DHX30: variants seen among roughly 807,000 people sequenced by gnomAD.
The protein encoded by DHX30 is DExH-box helicase 30, also known as ATP-dependent RNA helicase DHX30.
Under a neutral mutation model 116.9 loss-of-function variants are expected in DHX30, and 4 were observed. The ratio of observed to expected loss-of-function variants is 0.03; its 90% CI spans 0.02 to 0.08. The LOEUF (loss-of-function observed/expected upper bound fraction) is 0.08, where lower values mean the gene tolerates loss of function less well. Among genes scored for constraint, DHX30 ranks in the 10% least tolerant of loss-of-function variants. DHX30 has a pLI of 1.00. For synonymous variants in DHX30, 697 were observed against 651.7 expected, an observed-to-expected ratio of 1.07 and a Z score of -1.06; for missense variants, 871 against 1,595.1, an observed-to-expected ratio of 0.55 and a Z score of 7.73.
intron 8 of DHX30, 130 bp from the exon 9 acceptor site, chr3:47,842,976 A>C: frequency 8.5e-7 from 1 of 1,177,658 alleles, no homozygotes; most frequent in East Asian, 2.4e-5. Flanking sequence ...CACCTCTAGC[A>C]TGGCTCACGC....
rs760752602 is a variant in DHX30, at chr3:47,846,482, G to C, written c.1410G>C (p.Leu470=). The change falls in exon 11 of 22, where the codon CTG becomes CTC. Residue 470 remains leucine (L), a synonymous_variant. Coordinates refer to ENST00000445061, the MANE Select transcript of DHX30 (RefSeq NM_138615.3). The part of the protein sequence containing the change: ...GCGKTTRIPQ[L]LLERYVTEGR... ...GGAAGACCACGCGCATCCCCCAGCT[G>C]TTGCTGGAGCGCTATGTGACCGAGG... 6.2e-7 allele frequency: 1 copy of C among 1,614,008 alleles called. No homozygotes were observed. Among genetic ancestry groups the C allele is most frequent in the African/African-American group, 1.3e-5 (1 of 74,958 alleles).
chr3:47,835,840 G>T (rs1260191981), intron 6 of DHX30, among the ~76,000 whole-genome samples: 2 of 152,134 alleles, frequency 1.3e-5, no homozygotes, highest in Non-Finnish European at 2.9e-5. Context: ...TTGTCTGCCT[G>T]CACTTTCTAG....
At chr3:47,819,116 T>C in intron 4 of DHX30, 1 of 852,042 alleles carries the variant, frequency 1.2e-6, no homozygotes, top group Non-Finnish European at 1.8e-6. Flanking sequence ...AAATGAGTAC[T>C]TCTAGCCCCC....
At chr3:47,840,801 T>G in intron 6 of DHX30, 76 bp from the exon 7 acceptor site, 1 of 1,579,192 alleles carries the variant, frequency 6.3e-7, no homozygotes, top group Admixed American at 1.7e-5. Flanking sequence ...AACTTAACGG[T>G]GTAGCTGGAC....
intron 4 of DHX30, chr3:47,825,101 T>G (rs1201936403): frequency 3.0e-6 from 2 of 672,056 alleles, no homozygotes; most frequent in Non-Finnish European, 5.4e-6. Context: ...CTGCAGCCGC[T>G]GGGTCCCCGC....
At chr3:47,816,017 G>A in intron 3 of DHX30, 1 of 984,466 alleles carries the variant, frequency 1.0e-6, no homozygotes. Context: ...AGGTTGAGCT[G>A]GTCATTTCCA....
At position 47,846,582 on chromosome 3, in the gene DHX30, A is replaced by G. The variant is rs771836770; in HGVS notation, c.1510A>G (p.Ser504Gly). 4 of 1,614,022 alleles carry G rather than the reference A, an allele frequency of 2.5e-6. No homozygotes were observed. Among genetic ancestry groups the G allele is most frequent in the Admixed American group, 3.3e-5 (2 of 60,014 alleles). ...TGCTGTGTCTGTGGCACAGCGGGTC[A>G]GCCACGAACTGGGCCCCTCCCTGCG... ...ISAVSVAQRVSHELGPSLRRN... is the reference protein window; with the variant it reads ...ISAVSVAQRVGHELGPSLRRN... Residue 504 changes from serine to glycine, a missense_variant, in exon 11 of 22, where the codon AGC becomes GGC. Physicochemically the swap from Ser to Gly is moderately conservative, Grantham distance 56. Transcript: ENST00000445061.
intron 8 of DHX30, 38 bp from the exon 9 acceptor site, chr3:47,843,068 C>G: frequency 6.2e-7 from 1 of 1,610,498 alleles, no homozygotes; most frequent in Non-Finnish European, 8.5e-7. Context: ...TTCCCATTCC[C>G]TACATTTCTG....
At chr3:47,823,331 C>A (rs150630605) in intron 4 of DHX30, among the ~76,000 whole-genome samples, 2 of 150,444 alleles carry the variant, frequency 1.3e-5, no homozygotes, top group Admixed American at 1.3e-4. Context: ...TGGGAACAAA[C>A]TAGTTGGTTG....
rs1481182770 is a variant in DHX30 at position 47,815,751 on chromosome 3, A to G, written c.29-2271A>G. The stretch of plus-strand genomic sequence containing the variant: ...AAAAAAAAAAAAAAAAAAAAAAAAA[A>G]GAGCAAGCTGAGTCTTTCACAGCCA... On this transcript the variant is annotated intron_variant, in intron 3 of 21. Coordinates refer to ENST00000445061, the MANE Select transcript of DHX30 (RefSeq NM_138615.3). Among the ~76,000 whole-genome samples the G allele has an allele frequency of 3.4e-5, 4 of 116,498 alleles. No homozygotes were observed. The South Asian group carries it at 1.2e-3, about 34-fold the overall frequency. 76.4% of individuals were successfully genotyped at this position (116,498 alleles called of 152,430 possible).
In DHX30 at chr3:47,846,226, C is replaced by G. The variant is rs751079647; in HGVS notation, c.1154C>G (p.Pro385Arg). 1 of 1,614,166 alleles carries G rather than the reference C, an allele frequency of 6.2e-7. No homozygotes were observed. Among genetic ancestry groups the G allele is most frequent in the South Asian group, 1.1e-5 (1 of 91,092 alleles). Reference sequence around the variant, plus strand: ...CGGCTGCAGAGTGATGACATCTTGCCCTTGGGCAAGGACTCAGGGCCTCTG... The same window carrying G: ...CGGCTGCAGAGTGATGACATCTTGCGCTTGGGCAAGGACTCAGGGCCTCTG... ...ELRLQSDDIL[P>R]LGKDSGPLSD... Residue 385 changes from proline (P) to arginine (R), a missense_variant, in exon 11 of 22, where the codon CCC (proline) becomes CGC (arginine). By Grantham distance (103) the Pro-to-Arg change is moderately radical (BLOSUM62 -2). This residue lies in a region of DHX30 where 175 missense variants were observed against 292.9 expected (regional missense o/e 0.60). Transcript: ENST00000445061.
intron 2 of DHX30, among the ~76,000 whole-genome samples, chr3:47,806,042 A>G (rs953906181): frequency 1.3e-5 from 2 of 152,044 alleles, no homozygotes; most frequent in Non-Finnish European, 2.9e-5. Context: ...CCCAGGCTGG[A>G]GTGCAGTGGT....
intron 4 of DHX30, 150 bp from the exon 5 acceptor site, chr3:47,827,197 T>C (rs2036590241): frequency 4.3e-6 from 3 of 696,424 alleles, no homozygotes; most frequent in Non-Finnish European, 6.7e-6. Context: ...CCTGAAGTCA[T>C]TCCTCTTTTC....
Position 47,826,859 on chromosome 3 carries a change from G to C in DHX30, c.125-488G>C, listed in dbSNP as rs116081496. Among the ~76,000 whole-genome samples, 592 of 152,310 alleles carry C rather than the reference G, an allele frequency of 3.9e-3. 4 individuals are homozygous for C. The highest frequency in any genetic ancestry group is 0.014 in the African/African-American group (573 of 41,570). ...GCTGGGGCCTGGTATTCAGCATCTG[G>C]ATCTCATCACTTGAGATACATGGGG... On this transcript the variant is annotated intron_variant, in intron 4 of 21. Coordinates refer to ENST00000445061, the MANE Select transcript of DHX30 (RefSeq NM_138615.3).
chr3:47,825,070 G>T (rs1406433355), intron 4 of DHX30: 1 of 666,766 alleles, frequency 1.5e-6, no homozygotes, highest in Non-Finnish European at 2.7e-6. Context: ...CATGGCGCTG[G>T]CCGCCGGCAT....
chr3:47,824,623 TA>T, intron 4 of DHX30: 1 of 157,780 alleles, frequency 6.3e-6, no homozygotes. Flanking sequence ...GTTTACTTTG[TA>T]AGCCGTTAAA....
intron 3 of DHX30, among the ~76,000 whole-genome samples, chr3:47,815,138 T>G (rs1270215691): frequency 6.6e-6 from 1 of 152,172 alleles, no homozygotes; most frequent in South Asian, 2.1e-4. Context: ...TTCCCGAGTT[T>G]CATTGACTGG....
rs113934615 is a variant in DHX30 at position 47,845,375 on chromosome 3, T to C, written c.940-325T>C. ...CTAATTTTTGTATTTTTAGTAGAGA[T>C]GGGGTTTCACCATGTTAGCCAGGCT... On this transcript the variant is annotated intron_variant, in intron 9 of 21. Transcript: ENST00000445061. The C allele has an allele frequency of 7.0e-3, 1,184 of 168,110 alleles. 15 individuals are homozygous for C. Among genetic ancestry groups the C allele is most frequent in the African/African-American group, 0.026 (1,100 of 42,056 alleles). The allele number at this position is 168,110 out of a possible 1,614,324, so 10.4% of individuals were successfully genotyped here. A position where few individuals can be genotyped will look rare whatever the true frequency, so the allele number is the denominator to read the frequency against.
At chr3:47,844,885 A>G (rs2037531550) in intron 9 of DHX30, among the ~76,000 whole-genome samples, 1 of 152,174 alleles carries the variant, frequency 6.6e-6, no homozygotes, top group African/African-American at 2.4e-5. Context: ...GTGCATCTGT[A>G]TATGATGGGG....
Sources: allele counts gnomAD v4.1 joint callset (sites outside exome capture counted in the v4.1 genomes callset), GRCh38; gene constraint gnomAD v4.1.1; regional missense constraint gnomAD v4.1.1; transcripts MANE v1.5; gene names NCBI Gene and HGNC (gene_info 2026-07-23, HGNC 2026-07-21).